Variants in GLIS3 observed in about 807,000 individuals in gnomAD.
GLIS3 encodes GLIS family zinc finger 3.
A neutral mutation model predicts 78.6 loss-of-function variants in GLIS3; 53 were observed. That is an observed-to-expected ratio of 0.67 (90% CI 0.54 to 0.85). The LOEUF (loss-of-function observed/expected upper bound fraction) is 0.85, where lower values mean the gene tolerates loss of function less well. GLIS3 is among the 40% of genes least tolerant of loss of function. GLIS3 has a pLI of 0.00. For synonymous variants in GLIS3, 684 were observed against 509.9 expected, an observed-to-expected ratio of 1.34 and a Z score of -4.60; for missense variants, 1,703 against 1,231.1, an observed-to-expected ratio of 1.38 and a Z score of -5.74.
the GLIS3 span, among the ~76,000 whole-genome samples, chr9:4,465,335 G>A: frequency 6.6e-6 from 1 of 152,362 alleles, no homozygotes; most frequent in Non-Finnish European, 1.5e-5. Flanking sequence ...ATCACCAGAG[G>A]TCGGGAGTTC....
At chr9:4,411,950 G>A in the GLIS3 span, among the ~76,000 whole-genome samples, 12 of 152,260 alleles carry the variant, frequency 7.9e-5, no homozygotes, top group Middle Eastern at 3.4e-3. Context: ...AAAATAATCT[G>A]GCCTAATACT....
At chr9:4,040,419 T>C (rs1436482069) in intron 4 of GLIS3, among the ~76,000 whole-genome samples, 1 of 152,222 alleles carries the variant, frequency 6.6e-6, no homozygotes, top group Non-Finnish European at 1.5e-5. Flanking sequence ...CCAAAGTCTC[T>C]TTCAATAACA....
At chr9:3,907,605 A>AACACACACACACACAC (rs1041005940) in intron 6 of GLIS3, among the ~76,000 whole-genome samples, 24 of 92,254 alleles carry the variant, frequency 2.6e-4, no homozygotes, top group South Asian at 8.6e-4. Flanking sequence ...CCACCCCCCA[A>AACACACACACACACAC]ACACACACAC....
At chr9:4,096,045 T>A (rs1044871103) in intron 4 of GLIS3, among the ~76,000 whole-genome samples, 17 of 150,080 alleles carry the variant, frequency 1.1e-4, no homozygotes, top group Admixed American at 9.3e-4. Context: ...TCACAGATTT[T>A]GTCACAATAG....
At chr9:4,365,236 G>T in the GLIS3 span, among the ~76,000 whole-genome samples, 1 of 152,280 alleles carries the variant, frequency 6.6e-6, no homozygotes, top group East Asian at 1.9e-4. Context: ...CATGCATGGC[G>T]TAAGATATGA....
chr9:4,391,771 A>C, the GLIS3 span, among the ~76,000 whole-genome samples: 1 of 152,200 alleles, frequency 6.6e-6, no homozygotes, highest in East Asian at 1.9e-4. Flanking sequence ...GGTACTGTTA[A>C]TATTCTTACA....
chr9:4,076,986 G>A (rs1440955491), intron 4 of GLIS3, among the ~76,000 whole-genome samples: 1 of 152,194 alleles, frequency 6.6e-6, no homozygotes, highest in Non-Finnish European at 1.5e-5. Context: ...TTGAGCCAGG[G>A]AGGTGGAGGT....
intron 2 of GLIS3, among the ~76,000 whole-genome samples, chr9:4,175,234 C>T (rs1259868527): frequency 6.6e-6 from 1 of 152,138 alleles, no homozygotes; most frequent in Non-Finnish European, 1.5e-5. Context: ...AGCAAATGCA[C>T]TGAAGGTAAT....
chr9:4,122,089 T>C (rs1040744620), intron 3 of GLIS3, among the ~76,000 whole-genome samples: 13 of 152,106 alleles, frequency 8.5e-5, no homozygotes, highest in Admixed American at 7.2e-4. Context: ...ATAAAACTAA[T>C]AGGAAAACTC....
chr9:4,291,328 CAG>C (rs1312244305), intron 1 of GLIS3, among the ~76,000 whole-genome samples: 1 of 152,094 alleles, frequency 6.6e-6, no homozygotes, highest in East Asian at 1.9e-4. Context: ...AAAGACTACT[CAG>C]AAAAGATAAT....
At chr9:4,395,553 C>T in the GLIS3 span, among the ~76,000 whole-genome samples, 7 of 152,240 alleles carry the variant, frequency 4.6e-5, no homozygotes, top group Non-Finnish European at 8.8e-5. Context: ...GGTACTGGTG[C>T]CTGGGAAGGT....
intron 2 of GLIS3, among the ~76,000 whole-genome samples, chr9:4,144,286 C>T (rs1586798776): frequency 6.6e-6 from 1 of 152,126 alleles, no homozygotes. Context: ...TTTTTTGACA[C>T]GTAGCCTTGA....
rs564039063 is a variant in GLIS3, at chr9:4,286,463, T to C, written c.-38A>G. On this transcript the variant is annotated 5_prime_UTR_variant, in exon 2 of 11. Transcript: ENST00000381971. ...GTGGCCAAGACGGTCAAATATCCAA[T>C]GTCACTAATGACTCCTTTCAGGCAA... 1 of 1,611,174 alleles carries C rather than the reference T, an allele frequency of 6.2e-7. No homozygotes were observed. Among genetic ancestry groups the C allele is most frequent in the Non-Finnish European group, 8.5e-7 (1 of 1,179,514 alleles).
intron 4 of GLIS3, among the ~76,000 whole-genome samples, chr9:4,038,140 G>A (rs561679196): frequency 1.3e-5 from 2 of 152,278 alleles, no homozygotes; most frequent in East Asian, 3.9e-4. Flanking sequence ...TGAGGCCCAA[G>A]TAAATTTTGT....
At chr9:3,920,255 G>A (rs543430368) in intron 6 of GLIS3, among the ~76,000 whole-genome samples, 16 of 152,100 alleles carry the variant, frequency 1.1e-4, no homozygotes, top group Admixed American at 7.9e-4. Flanking sequence ...CACCCGCCTC[G>A]GCCTCCCAAA....
At chr9:4,354,201 A>G in the GLIS3 span, among the ~76,000 whole-genome samples, 3 of 152,244 alleles carry the variant, frequency 2.0e-5, no homozygotes, top group Admixed American at 1.3e-4. Flanking sequence ...TAAACTTGCA[A>G]ATCAGACAAT....
At chr9:4,220,068 G>T (rs55950234) in intron 2 of GLIS3, among the ~76,000 whole-genome samples, 12,371 of 152,180 alleles carry the variant, frequency 0.081, 592 homozygotes, top group Middle Eastern at 0.16. Flanking sequence ...ATTTTTATAG[G>T]ACTCAACAGG....
At chr9:3,944,207 G>A (rs372380106) in intron 4 of GLIS3, among the ~76,000 whole-genome samples, 1 of 152,172 alleles carries the variant, frequency 6.6e-6, no homozygotes, top group African/African-American at 2.4e-5. Flanking sequence ...AATTTTTCAA[G>A]AAGCCACAAG....
chr9:4,140,679 G>A (rs376687426), intron 2 of GLIS3, among the ~76,000 whole-genome samples: 1 of 152,054 alleles, frequency 6.6e-6, no homozygotes, highest in African/African-American at 2.4e-5. Flanking sequence ...GAGCTCCAAA[G>A]CCCATTCAGC....
Sources: allele counts gnomAD v4.1 joint callset (sites outside exome capture counted in the v4.1 genomes callset), GRCh38; gene constraint gnomAD v4.1.1; transcripts MANE v1.5; gene names NCBI Gene and HGNC (gene_info 2026-07-23, HGNC 2026-07-21).